The following TMX3 variants were observed in gnomAD, a reference collection of about 807,000 sequenced individuals.
TMX3 encodes protein disulfide-isomerase TMX3.
In TMX3, 40 loss-of-function variants were observed where a neutral mutation model predicts 64.4. That is an observed-to-expected ratio of 0.62 (90% confidence interval 0.48 to 0.81). TMX3 has a LOEUF of 0.81. TMX3 is among the 30% of genes least tolerant of loss of function. The pLI is 0.00. For synonymous variants in TMX3, 189 were observed against 175.7 expected, an observed-to-expected ratio of 1.08 and a Z score of -0.60; for missense variants, 497 against 534.5, an observed-to-expected ratio of 0.93 and a Z score of 0.69.
chr18:68,687,534 A>G, intron 10 of TMX3, 133 bp downstream of exon 10: 1 of 1,441,746 alleles, frequency 6.9e-7, no homozygotes, highest in Non-Finnish European at 9.1e-7. Context: ...CTCGTAAAGA[A>G]CTGGCATTCA....
At chr18:68,689,395 T>G (rs1286227371) in intron 9 of TMX3, among the ~76,000 whole-genome samples, 1 of 147,966 alleles carries the variant, frequency 6.8e-6, no homozygotes, top group Non-Finnish European at 1.5e-5. Flanking sequence ...TGATCAGTGT[T>G]TTTTTTTTTT....
intron 4 of TMX3, among the ~76,000 whole-genome samples, chr18:68,702,321 A>G (rs918839443): frequency 1.3e-5 from 2 of 152,058 alleles, no homozygotes; most frequent in Non-Finnish European, 2.9e-5. Flanking sequence ...TCGAAAAGCA[A>G]CTTTGTTTTA....
chr18:68,703,769 A>C (rs890702667), intron 4 of TMX3, among the ~76,000 whole-genome samples: 3 of 152,120 alleles, frequency 2.0e-5, no homozygotes, highest in African/African-American at 7.2e-5. Context: ...TCTCTACTAA[A>C]ACTACAAAAA....
In TMX3 at chr18:68,685,602, CATTT is replaced by C. The variant is rs373111214; in HGVS notation, c.737-1121_737-1118del. 2.5e-4 allele frequency among the ~76,000 whole-genome samples: 38 copies of C among 152,302 alleles called. No homozygotes were observed. The East Asian group carries it at 6.2e-3, about 25-fold the overall frequency. On this transcript the variant is annotated intron_variant, in intron 10 of 15. Transcript: ENST00000299608. ...TGAGAAACACAGACACAGTTTCTCA[CATTT>C]ATTAATTCAACAATTATTGAGTGTC...
Position 68,684,334 on chromosome 18 carries a change from C to T in TMX3, c.795-91G>A, listed in dbSNP as rs1220262018. 4.7e-6 allele frequency: 7 copies of T among 1,496,620 alleles called. No individual in the cohort carries two copies. The East Asian group carries it at 1.6e-4, about 34-fold the overall frequency. The allele number at this position is 1,496,620 out of a possible 1,614,324, so 92.7% of individuals were successfully genotyped here. A position where few individuals can be genotyped will look rare whatever the true frequency, so the allele number is the denominator to read the frequency against. On this transcript the variant is annotated intron_variant, in intron 11 of 15. Coordinates refer to ENST00000299608, the MANE Select transcript of TMX3 (RefSeq NM_019022.5). ...GTATCTGCTGTCTTACATCTAATTG[C>T]TGCAGGAAAAGTAAGATACCATATC... is the stretch of plus-strand genomic sequence containing the variant.
rs1912793841 is a variant in TMX3 at position 68,674,775 on chromosome 18, A to C, written c.*2158T>G. 6.6e-6 allele frequency: 1 copy of C among 152,150 alleles called. No individual in the cohort carries two copies. The highest frequency in any genetic ancestry group is 2.1e-4 in the South Asian group (1 of 4,834). 9.4% of individuals were successfully genotyped at this position (152,150 alleles called of 1,614,324 possible). On this transcript the variant is annotated 3_prime_UTR_variant, in exon 16 of 16. Coordinates refer to ENST00000299608, the MANE Select transcript of TMX3 (RefSeq NM_019022.5). Reference sequence around the variant, plus strand: ...TTTAATACAAGAAGAAATAAAAATTATTCACTTACAAACCACCTACACATT... The same window carrying C: ...TTTAATACAAGAAGAAATAAAAATTCTTCACTTACAAACCACCTACACATT...
chr18:68,678,530 C>T (rs987618815), intron 15 of TMX3, among the ~76,000 whole-genome samples: 1 of 151,924 alleles, frequency 6.6e-6, no homozygotes, highest in Admixed American at 6.6e-5. Flanking sequence ...GTGATACTCA[C>T]AGCAGCACGG....
chr18:68,688,243 G>C (rs1290379543), intron 9 of TMX3, among the ~76,000 whole-genome samples: 1 of 152,064 alleles, frequency 6.6e-6, no homozygotes, highest in Admixed American at 6.5e-5. Flanking sequence ...GGTTATACTT[G>C]GGTCATGGCA....
At chr18:68,686,132 C>A (rs1913927825) in intron 10 of TMX3, among the ~76,000 whole-genome samples, 1 of 152,122 alleles carries the variant, frequency 6.6e-6, no homozygotes, top group African/African-American at 2.4e-5. Context: ...TGAAGCCGCA[C>A]AGCGTCAGGA....
chr18:68,700,416 G>C lies in TMX3; in HGVS notation c.381C>G (p.His127Gln). 3 of 1,575,020 alleles carry C rather than the reference G, an allele frequency of 1.9e-6. No individual in the cohort carries two copies. The highest frequency in any genetic ancestry group is 2.6e-6 in the Non-Finnish European group (3 of 1,162,150). The change falls in exon 6 of 16, where the codon CAC (histidine) becomes CAG (glutamine). Residue 127 changes from histidine (H) to glutamine (Q), a missense_variant. By Grantham distance (24) the His-to-Gln change is conservative. Around this residue, in one of 3 missense-constraint regions of TMX3, gnomAD observed 360 missense variants for 383.5 expected, o/e 0.94. Transcript: ENST00000299608. Reference sequence around the variant, plus strand: ...TCCTAATAACTTACCCAGATACTCTGTGAGCAAACTCAATAATATCATCTT... The same window carrying C: ...TCCTAATAACTTACCCAGATACTCTCTGAGCAAACTCAATAATATCATCTT... ...RTKDDIIEFA[H>Q]RVSGALIRPL...
chr18:68,691,535 T>C (rs376555936), intron 8 of TMX3, among the ~76,000 whole-genome samples, 174 bp from the exon 9 acceptor site: 1 of 152,282 alleles, frequency 6.6e-6, no homozygotes, highest in East Asian at 1.9e-4. Flanking sequence ...AAGAAGTATA[T>C]CTGAATCTTT....
At chr18:68,685,412 T>C (rs971282671) in intron 10 of TMX3, among the ~76,000 whole-genome samples, 1 of 152,208 alleles carries the variant, frequency 6.6e-6, no homozygotes. Context: ...TTCAGTCTTC[T>C]AACTCTCTGA....
At position 68,715,060 on chromosome 18, in the gene TMX3, A is replaced by G. The variant is rs888473812; in HGVS notation, c.-79T>C. ...TGGGGTCCGCCGCCTGCCCGCCCGG[A>G]AAGGGAAACGGAGCCGACCCGGAGC... On this transcript the variant is annotated 5_prime_UTR_variant, in exon 1 of 16. Transcript: ENST00000299608. 1.0e-5 allele frequency: 16 copies of G among 1,546,784 alleles called. No individual in the cohort carries two copies. The highest frequency in any genetic ancestry group is 2.4e-5 in the South Asian group (2 of 83,848).
At chr18:68,690,988 T>C in intron 9 of TMX3, 1 of 284,018 alleles carries the variant, frequency 3.5e-6, no homozygotes, top group Non-Finnish European at 6.5e-6. Context: ...AAATGTTACT[T>C]CAAAAAAATG....
chr18:68,679,433 T>A, intron 15 of TMX3, 30 bp downstream of exon 15: 1 of 1,569,956 alleles, frequency 6.4e-7, no homozygotes, highest in Non-Finnish European at 8.7e-7. Context: ...ATCTTCTTCA[T>A]TATCAATGAC....
intron 9 of TMX3, 165 bp downstream of exon 9, chr18:68,691,130 A>T (rs183361346): frequency 1.2e-5 from 5 of 419,612 alleles, no homozygotes; most frequent in African/African-American, 1.0e-4. Flanking sequence ...ACTAACAATT[A>T]TAAGTTGAAG....
chr18:68,686,637 G>A (rs1913987235), intron 10 of TMX3: 2 of 667,272 alleles, frequency 3.0e-6, no homozygotes, highest in Non-Finnish European at 3.7e-6. Flanking sequence ...AACCAGGGAG[G>A]TGGAGGTTGC....
intron 8 of TMX3, 103 bp from the exon 9 acceptor site, chr18:68,691,464 A>G: frequency 1.5e-6 from 1 of 654,126 alleles, no homozygotes; most frequent in South Asian, 3.0e-5. Context: ...AAACACACAT[A>G]AAAATAACAA....
Position 68,679,660 on chromosome 18 carries a change from T to C in TMX3, c.1036-129A>G, listed in dbSNP as rs186926070. 418 of 693,574 alleles carry C rather than the reference T, an allele frequency of 6.0e-4. 3 individuals carry two copies. The East Asian group carries it at 0.011, about 18-fold the overall frequency. The allele number at this position is 693,574 out of a possible 1,614,324, so 43.0% of individuals were successfully genotyped here. On this transcript the variant is annotated intron_variant, in intron 14 of 15. Transcript: ENST00000299608. ...ATTACATAATCACCTGAAAAGGCCA[T>C]GTGGTAAACATTTACTGTGTTGTTT...
Sources: allele counts gnomAD v4.1 joint callset (sites outside exome capture counted in the v4.1 genomes callset), GRCh38; gene constraint gnomAD v4.1.1; regional missense constraint gnomAD v4.1.1; transcripts MANE v1.5; gene names NCBI Gene and HGNC (gene_info 2026-07-23, HGNC 2026-07-21).